Variants in CSMD1 observed in about 807,000 individuals in gnomAD.
CSMD1 encodes CUB and sushi domain-containing protein 1.
Under a neutral mutation model 417.5 loss-of-function variants are expected in CSMD1, and 213 were observed. The ratio of observed to expected loss-of-function variants is 0.51; its 90% confidence interval spans 0.46 to 0.57. CSMD1 has a LOEUF of 0.57. Ranked by LOEUF, CSMD1 falls within the 20% of genes least tolerant of loss-of-function variation. The pLI is 0.00. For synonymous variants in CSMD1, 2,862 were observed against 1,736.8 expected (o/e 1.65, Z -16.11); for missense variants, 6,923 against 4,529.7 (o/e 1.53, Z -15.17).
intron 49 of CSMD1, among the ~76,000 whole-genome samples, chr8:3,078,970 G>GT (rs1813891560): frequency 6.6e-6 from 1 of 152,012 alleles, no homozygotes; most frequent in Non-Finnish European, 1.5e-5. Flanking sequence ...CTTCAAAACG[G>GT]GGGGGAGCAC....
At chr8:4,167,939 C>T (rs1242719292) in intron 3 of CSMD1, among the ~76,000 whole-genome samples, 2 of 151,880 alleles carry the variant, frequency 1.3e-5, no homozygotes, top group African/African-American at 2.4e-5. Flanking sequence ...ACCAGCCTGG[C>T]CAGCATGGTG....
At chr8:3,332,740 C>T (rs1252111678) in intron 23 of CSMD1, among the ~76,000 whole-genome samples, 2 of 152,194 alleles carry the variant, frequency 1.3e-5, no homozygotes, top group Non-Finnish European at 2.9e-5. Flanking sequence ...GGAAGGAAAA[C>T]ATTCCTAAAT....
intron 1 of CSMD1, among the ~76,000 whole-genome samples, chr8:4,671,895 C>T (rs1419867790): frequency 1.3e-5 from 2 of 152,074 alleles, no homozygotes; most frequent in Non-Finnish European, 2.9e-5. Flanking sequence ...AGAAACCCTC[C>T]ACTAAGTTGC....
intron 11 of CSMD1, among the ~76,000 whole-genome samples, chr8:3,469,659 T>G (rs997760390): frequency 6.6e-6 from 1 of 152,204 alleles, no homozygotes; most frequent in African/African-American, 2.4e-5. Context: ...AAGCTTGACT[T>G]TCAGCAAAGT....
chr8:4,035,488 C>A (rs1000719456), intron 3 of CSMD1, among the ~76,000 whole-genome samples: 2 of 152,154 alleles, frequency 1.3e-5, no homozygotes, highest in Non-Finnish European at 2.9e-5. Context: ...GATGAAAGCT[C>A]CATACCTGTC....
chr8:4,009,819 TCA>T (rs961818933), intron 4 of CSMD1, among the ~76,000 whole-genome samples: 2 of 152,052 alleles, frequency 1.3e-5, no homozygotes, highest in Non-Finnish European at 2.9e-5. Flanking sequence ...CCTCCTGTTC[TCA>T]GAGAGTCAAC....
At chr8:3,020,407 C>T (rs937984765) in intron 51 of CSMD1, among the ~76,000 whole-genome samples, 1 of 152,210 alleles carries the variant, frequency 6.6e-6, no homozygotes, top group Non-Finnish European at 1.5e-5. Flanking sequence ...TGCTCTGTCA[C>T]TCAGGCTAGG....
chr8:3,660,646 G>A lies in CSMD1; in HGVS notation c.1010-43849C>T, dbSNP rs988088633. Among the ~76,000 whole-genome samples, 5 of 151,322 alleles carry A rather than the reference G, an allele frequency of 3.3e-5. No homozygotes were observed. In the South Asian group the frequency reaches 6.3e-4, roughly 19 times the overall value. ...AGCGATTCTCCTACCTCAGCCTCCT[G>A]AGTAGCTGGGATTACAGGGTCCCTC... On this transcript the variant is annotated intron_variant, in intron 7 of 69. Transcript: ENST00000635120.
intron 3 of CSMD1, among the ~76,000 whole-genome samples, chr8:4,084,186 T>C (rs1298840017): frequency 6.6e-6 from 1 of 152,320 alleles, no homozygotes; most frequent in East Asian, 1.9e-4. Flanking sequence ...AATTTTAAAA[T>C]GTATTTTTTC....
intron 5 of CSMD1, among the ~76,000 whole-genome samples, chr8:3,962,588 C>A (rs147548729): frequency 6.6e-6 from 1 of 152,144 alleles, no homozygotes; most frequent in African/African-American, 2.4e-5. Context: ...GCAATGAAAT[C>A]CATGCTATGA....
chr8:3,501,089 T>C lies in CSMD1; in HGVS notation c.1345-7363A>G, dbSNP rs147035274. 1.2e-3 allele frequency among the ~76,000 whole-genome samples: 185 copies of C among 152,282 alleles called. 1 individual carries two copies. Among genetic ancestry groups the C allele is most frequent in the African/African-American group, 4.2e-3 (176 of 41,558 alleles). ...GATTTCCCAAAAATCAAAAATAAAA[T>C]ATACTATATAGTTTCAATTTACTGA... On this transcript the variant is annotated intron_variant, in intron 10 of 69. Transcript: ENST00000635120.
At chr8:4,314,082 T>C (rs1292568863) in intron 3 of CSMD1, among the ~76,000 whole-genome samples, 2 of 151,902 alleles carry the variant, frequency 1.3e-5, no homozygotes, top group East Asian at 1.9e-4. Flanking sequence ...TCTTTCTGTG[T>C]CCTGGAGATG....
intron 7 of CSMD1, among the ~76,000 whole-genome samples, chr8:3,638,102 C>G (rs1797134692): frequency 6.6e-6 from 1 of 152,128 alleles, no homozygotes; most frequent in Non-Finnish European, 1.5e-5. Flanking sequence ...TCAAGGAGCT[C>G]AGATTTAAAC....
At chr8:3,075,645 A>T (rs1813607116) in intron 49 of CSMD1, among the ~76,000 whole-genome samples, 2 of 152,138 alleles carry the variant, frequency 1.3e-5, no homozygotes, top group South Asian at 4.1e-4. Context: ...ACAAAAACCT[A>T]ATAGCTTTAT....
At chr8:3,253,191 C>T (rs936446801) in intron 26 of CSMD1, among the ~76,000 whole-genome samples, 21 of 152,056 alleles carry the variant, frequency 1.4e-4, no homozygotes, top group African/African-American at 4.8e-4. Flanking sequence ...CCTCTACACA[C>T]TGCTTTGTAT....
At chr8:3,159,864 G>C (rs1819774941) in intron 38 of CSMD1, among the ~76,000 whole-genome samples, 1 of 152,140 alleles carries the variant, frequency 6.6e-6, no homozygotes, top group Non-Finnish European at 1.5e-5. Context: ...TTTCTTCTCT[G>C]AGAGCTGTCA....
At chr8:4,727,470 A>C (rs1223055386) in intron 1 of CSMD1, among the ~76,000 whole-genome samples, 1 of 152,210 alleles carries the variant, frequency 6.6e-6, no homozygotes, top group Non-Finnish European at 1.5e-5. Context: ...GGGGAAAACA[A>C]TAAAGAGAGA....
Position 3,596,076 on chromosome 8 carries a change from T to G in CSMD1, c.1098-9816A>C, listed in dbSNP as rs117945521. On this transcript the variant is annotated intron_variant, in intron 8 of 69. Coordinates refer to ENST00000635120, the MANE Select transcript of CSMD1 (RefSeq NM_033225.6). ...GTGGGCTTAGGAAGCCAGAGGAGAC[T>G]CTTCGAACTCTAGACCAAAAGGCGT... Among the ~76,000 whole-genome samples the G allele has an allele frequency of 3.9e-3, 595 of 152,324 alleles. 20 individuals carry two copies. In the East Asian group the frequency reaches 0.078, roughly 20 times the overall value.
chr8:3,052,608 G>A lies in CSMD1; in HGVS notation c.7514C>T (p.Ser2505Leu). Residue 2505 changes from serine to leucine, a missense_variant, in exon 50 of 70, where the codon TCA becomes TTA. Transcript: ENST00000635120. The stretch of plus-strand genomic sequence containing the variant: ...CAAAGTGAACTCGTTCCCGGTAAAT[G>A]AACCGTTTCCTGGGGATTCTGGGAT... Reference protein sequence around the residue: ...CGIPESPGNGSFTGNEFTLDS... With the variant: ...CGIPESPGNGLFTGNEFTLDS... The A allele has an allele frequency of 6.2e-7, 1 of 1,611,798 alleles. No homozygotes were observed. The highest frequency in any genetic ancestry group is 8.5e-7 in the Non-Finnish European group (1 of 1,179,006).
Sources: allele counts gnomAD v4.1 joint callset (sites outside exome capture counted in the v4.1 genomes callset), GRCh38; gene constraint gnomAD v4.1.1; transcripts MANE v1.5; gene names NCBI Gene and HGNC (gene_info 2026-07-23, HGNC 2026-07-21).